NAALADL2: variants seen among roughly 807,000 people sequenced by gnomAD.
NAALADL2 encodes inactive N-acetylated-alpha-linked acidic dipeptidase-like protein 2.
In NAALADL2, 76 loss-of-function variants were observed where a neutral mutation model predicts 87.2. The observed-to-expected ratio is 0.87, with a 90% CI of 0.72 to 1.05. NAALADL2 has a LOEUF of 1.05. NAALADL2 is among the 50% of genes least tolerant of loss of function. The pLI is 0.00. For synonymous variants in NAALADL2, 354 were observed against 331.0 expected (o/e 1.07, Z -0.75); for missense variants, 1,089 against 945.8 (o/e 1.15, Z -1.99).
intron 5 of NAALADL2, among the ~76,000 whole-genome samples, chr3:175,420,315 G>A (rs140706028): frequency 5.9e-5 from 9 of 152,058 alleles, no homozygotes; most frequent in Middle Eastern, 3.4e-3. Context: ...TTGGTTGGAT[G>A]GTATCGTTTG....
intron 5 of NAALADL2, among the ~76,000 whole-genome samples, chr3:175,334,570 T>C (rs1372795478): frequency 6.6e-6 from 1 of 152,226 alleles, no homozygotes; most frequent in African/African-American, 2.4e-5. Flanking sequence ...CATATTCTTC[T>C]TATTTATCCT....
intron 4 of NAALADL2, 125 bp from the exon 5 acceptor site, chr3:175,324,038 AAAAAAGAAAAAG>A (rs1388742255): frequency 3.3e-5 from 20 of 612,412 alleles, no homozygotes; most frequent in Admixed American, 9.6e-5. Flanking sequence ...CAAAAAAAAA[AAAAAAGAAAAAG>A]AAAAAGAAAA....
chr3:174,508,999 A>C (rs73882403), intron 1 of NAALADL2, among the ~76,000 whole-genome samples: 4,789 of 152,160 alleles, frequency 0.031, 241 homozygotes, highest in African/African-American at 0.11. Flanking sequence ...TTTATTAGTT[A>C]TAGTATCTTC....
intron 5 of NAALADL2, among the ~76,000 whole-genome samples, chr3:175,374,553 GAAAAAA>G (rs765485400): frequency 8.8e-5 from 4 of 45,390 alleles, no homozygotes; most frequent in Non-Finnish European, 1.2e-4. Flanking sequence ...TGCATCTCCA[GAAAAAA>G]AAAAAAAAAA....
At chr3:175,069,858 T>C (rs1480760405) in intron 1 of NAALADL2, among the ~76,000 whole-genome samples, 1 of 149,116 alleles carries the variant, frequency 6.7e-6, no homozygotes, top group African/African-American at 2.5e-5. Context: ...TCATGTCCTT[T>C]GTAGGGACAT....
At chr3:175,042,311 A>G (rs1056871328) in intron 1 of NAALADL2, among the ~76,000 whole-genome samples, 2 of 152,166 alleles carry the variant, frequency 1.3e-5, no homozygotes, top group Non-Finnish European at 2.9e-5. Context: ...TTGGAATACT[A>G]TATATACACC....
chr3:174,748,441 C>T (rs1267020730), intron 3 of NAALADL2, among the ~76,000 whole-genome samples: 1 of 150,980 alleles, frequency 6.6e-6, no homozygotes. Context: ...TCTTCTGGTA[C>T]CTTTATTTTT....
At chr3:175,413,567 C>CA (rs766955477) in intron 5 of NAALADL2, among the ~76,000 whole-genome samples, 12,920 of 132,404 alleles carry the variant, frequency 0.098, 843 homozygotes, top group African/African-American at 0.13. Context: ...GAGACTCCAT[C>CA]AAAAAAAAAA....
intron 1 of NAALADL2, among the ~76,000 whole-genome samples, chr3:174,885,017 C>T (rs555805420): frequency 6.6e-6 from 1 of 152,202 alleles, no homozygotes; most frequent in South Asian, 2.1e-4. Flanking sequence ...AGGCTGATGG[C>T]AGCATGAGTC....
At chr3:175,286,658 T>G (rs1755015086) in intron 4 of NAALADL2, among the ~76,000 whole-genome samples, 1 of 152,222 alleles carries the variant, frequency 6.6e-6, no homozygotes, top group Non-Finnish European at 1.5e-5. Flanking sequence ...AGGCCATACC[T>G]TTTATTTTTA....
chr3:174,916,629 TTA>T (rs1248170599), intron 1 of NAALADL2, among the ~76,000 whole-genome samples: 3 of 151,954 alleles, frequency 2.0e-5, no homozygotes, highest in Non-Finnish European at 4.4e-5. Context: ...AAACCAAATA[TTA>T]TATGTCCTCA....
At chr3:175,543,357 A>G (rs1228870119) in intron 9 of NAALADL2, among the ~76,000 whole-genome samples, 1 of 152,196 alleles carries the variant, frequency 6.6e-6, no homozygotes, top group Admixed American at 6.5e-5. Context: ...GTAATTAGGA[A>G]TTGAGAAGTG....
At chr3:175,357,599 C>T (rs949487070) in intron 5 of NAALADL2, among the ~76,000 whole-genome samples, 2 of 152,098 alleles carry the variant, frequency 1.3e-5, no homozygotes, top group African/African-American at 4.8e-5. Flanking sequence ...TATTCCATCA[C>T]TCATGTTGAC....
Position 175,204,956 on chromosome 3 carries a change from AGACAC to A in NAALADL2, c.546-28974_546-28970del, listed in dbSNP as rs542588462. On this transcript the variant is annotated intron_variant, in intron 2 of 13. Coordinates refer to ENST00000454872, the MANE Select transcript of NAALADL2 (RefSeq NM_207015.3). ...AAACACTGCTGAAAGAAATCATAGA[AGACAC>A]AAACAAATGGAAACACATCCCATGC... Among the ~76,000 whole-genome samples the A allele has an allele frequency of 3.6e-3, 548 of 152,176 alleles. 1 individual carries two copies. The highest frequency in any genetic ancestry group is 0.012 in the African/African-American group (513 of 41,558).
In NAALADL2 at chr3:174,577,769, T is replaced by C. The variant is rs112755238; in HGVS notation, c.-115+27132T>C. Among the ~76,000 whole-genome samples, 688 of 152,094 alleles carry C rather than the reference T, an allele frequency of 4.5e-3. 8 individuals are homozygous for C. The highest frequency in any genetic ancestry group is 0.016 in the African/African-American group (655 of 41,536). On this transcript the variant is annotated intron_variant, in intron 2 of 3. Transcript: ENST00000434257. ...AGACATGTGAGGTAACAGAAGAATA[T>C]TAATCATAATTAAGAAAAAAAGGTC... is the stretch of plus-strand genomic sequence containing the variant.
chr3:174,485,827 G>C (rs931358376), intron 1 of NAALADL2, among the ~76,000 whole-genome samples: 4 of 151,912 alleles, frequency 2.6e-5, no homozygotes, highest in Non-Finnish European at 4.4e-5. Context: ...TGTCTAGAAT[G>C]GTATTGCCTA....
At chr3:175,342,570 A>G (rs1390398184) in intron 5 of NAALADL2, among the ~76,000 whole-genome samples, 2 of 151,954 alleles carry the variant, frequency 1.3e-5, no homozygotes, top group African/African-American at 4.8e-5. Context: ...ACATTTATAC[A>G]AAGTGAATCA....
intron 2 of NAALADL2, among the ~76,000 whole-genome samples, chr3:174,646,985 A>G (rs1289807150): frequency 2.0e-5 from 3 of 152,098 alleles, no homozygotes; most frequent in African/African-American, 4.8e-5. Context: ...CACTGTTAAC[A>G]TTCATGTCTT....
At chr3:174,454,935 A>G (rs575784136) in intron 1 of NAALADL2, among the ~76,000 whole-genome samples, 6 of 151,800 alleles carry the variant, frequency 4.0e-5, no homozygotes, top group African/African-American at 9.7e-5. Context: ...CAAAAGATCA[A>G]TGAATCCAGG....
Sources: gnomAD v4.1 joint callset for allele counts (sites outside exome capture counted in the v4.1 genomes callset) on GRCh38, gnomAD v4.1.1 for gene constraint, MANE v1.5 for transcripts, NCBI Gene and HGNC (gene_info 2026-07-23, HGNC 2026-07-21) for gene names.